Variants in METTL9 observed in about 807,000 individuals in gnomAD.
METTL9 encodes methyltransferase 9, His-X-His N1(pi)-histidine, also known as protein-L-histidine N-pros-methyltransferase.
In METTL9, 10 loss-of-function variants were observed where a neutral mutation model predicts 36.0. The observed-to-expected ratio is 0.28, with a 90% CI of 0.17 to 0.47. METTL9 has a LOEUF of 0.47. Among genes scored for constraint, METTL9 ranks in the 20% least tolerant of loss-of-function variants. The pLI is 0.99. For missense variants in METTL9, 246 were observed against 383.5 expected (o/e 0.64, Z 3.00); for synonymous variants, 175 against 149.7 (o/e 1.17, Z -1.23).
intron 4 of METTL9, chr16:21,642,943 C>G: frequency 1.7e-6 from 1 of 584,966 alleles, no homozygotes; most frequent in East Asian, 2.7e-5. Flanking sequence ...TATAAAAATA[C>G]ATTCTTGTGA....
chr16:21,607,974 C>A (rs1965333079), intron 1 of METTL9, among the ~76,000 whole-genome samples: 1 of 152,148 alleles, frequency 6.6e-6, no homozygotes, highest in South Asian at 2.1e-4. Flanking sequence ...CATGGTGAAA[C>A]CCCATCTCTA....
chr16:21,609,448 A>G (rs1567326778), intron 1 of METTL9, among the ~76,000 whole-genome samples: 1 of 152,194 alleles, frequency 6.6e-6, no homozygotes, highest in South Asian at 2.1e-4. Flanking sequence ...AAATATTACC[A>G]AAGGGACAAA....
chr16:21,633,362 A>G (rs1159650344), intron 4 of METTL9, among the ~76,000 whole-genome samples: 1 of 152,200 alleles, frequency 6.6e-6, no homozygotes, highest in Non-Finnish European at 1.5e-5. Context: ...GCCAAAAGTA[A>G]ATCATCCAAA....
chr16:21,610,855 T>C (rs1965408835), intron 1 of METTL9, among the ~76,000 whole-genome samples: 1 of 152,210 alleles, frequency 6.6e-6, no homozygotes, highest in South Asian at 2.1e-4. Flanking sequence ...GGCTTTCATC[T>C]TGATTAGCCA....
At chr16:21,611,374 A>G (rs867254053) in intron 1 of METTL9, among the ~76,000 whole-genome samples, 2 of 152,320 alleles carry the variant, frequency 1.3e-5, no homozygotes, top group Middle Eastern at 3.4e-3. Context: ...TGGTCTACCA[A>G]TTGTGCAAGC....
At chr16:21,639,136 G>A (rs867219403) in intron 4 of METTL9, among the ~76,000 whole-genome samples, 24 of 152,230 alleles carry the variant, frequency 1.6e-4, no homozygotes, top group Middle Eastern at 3.4e-3. Flanking sequence ...TATACTTTTG[G>A]TGAGATAGAT....
Position 21,612,725 on chromosome 16 carries a change from G to A in METTL9, c.246G>A (p.Gln82=), listed in dbSNP as rs775139586. The change falls in exon 2 of 5, where the codon CAG becomes CAA. Residue 82 remains glutamine, a synonymous_variant. Transcript: ENST00000358154. The part of the protein sequence containing the change: ...FVQSYLDQGT[Q]IFLNNSIEKS... The stretch of plus-strand genomic sequence containing the variant: ...AGAGTTACCTTGATCAAGGAACACA[G>A]ATCTTCTTAAACAACAGCATTGAGA... The A allele has an allele frequency of 6.2e-7, 1 of 1,611,300 alleles. No homozygotes were observed. Among genetic ancestry groups the A allele is most frequent in the South Asian group, 1.1e-5 (1 of 90,878 alleles).
At chr16:21,602,895 G>A (rs1965174067) in intron 1 of METTL9, among the ~76,000 whole-genome samples, 1 of 152,152 alleles carries the variant, frequency 6.6e-6, no homozygotes, top group Admixed American at 6.6e-5. Flanking sequence ...CTGACCTCAA[G>A]TGATCCTTCT....
At chr16:21,600,614 G>A (rs1254432109) in intron 1 of METTL9, among the ~76,000 whole-genome samples, 1 of 152,156 alleles carries the variant, frequency 6.6e-6, no homozygotes, top group African/African-American at 2.4e-5. Context: ...AAAACAGAAC[G>A]GGACGGGAGG....
intron 3 of METTL9, among the ~76,000 whole-genome samples, chr16:21,622,367 C>G (rs12446762): frequency 0.059 from 8,952 of 151,548 alleles, 539 homozygotes; most frequent in East Asian, 0.29. Flanking sequence ...CAGCTGGTCT[C>G]AAACTCCTAG....
chr16:21,614,500 C>A (rs920056888), intron 2 of METTL9, among the ~76,000 whole-genome samples: 4 of 152,160 alleles, frequency 2.6e-5, no homozygotes, highest in Admixed American at 6.5e-5. Flanking sequence ...GCTTCCCTTA[C>A]TTAAAACTCT....
chr16:21,607,390 A>C (rs1294327824), intron 1 of METTL9, among the ~76,000 whole-genome samples: 1 of 152,212 alleles, frequency 6.6e-6, no homozygotes, highest in Non-Finnish European at 1.5e-5. Context: ...TTTTTAAGAC[A>C]GTATGACCTA....
At chr16:21,609,932 C>T (rs1965387221) in intron 1 of METTL9, among the ~76,000 whole-genome samples, 2 of 152,108 alleles carry the variant, frequency 1.3e-5, no homozygotes, top group Admixed American at 1.3e-4. Flanking sequence ...GAAGATCTAA[C>T]TGCCACCTGC....
At position 21,655,959 on chromosome 16, in the gene METTL9, A is replaced by G. The variant is rs146359862; in HGVS notation, c.*527A>G. The G allele has an allele frequency of 6.5e-6, 1 of 153,344 alleles. No individual in the cohort carries two copies. Among genetic ancestry groups the G allele is most frequent in the African/African-American group, 2.4e-5 (1 of 41,550 alleles). 9.5% of individuals were successfully genotyped at this position (153,344 alleles called of 1,614,324 possible). ...TGACTTTGGCATCATGTTTGAATTC[A>G]TATAAAGCTCCCCTAGCATTTTTTA... On this transcript the variant is annotated 3_prime_UTR_variant, in exon 5 of 5. Transcript: ENST00000358154.
At chr16:21,604,343 A>G (rs1357399870) in intron 1 of METTL9, among the ~76,000 whole-genome samples, 2 of 152,306 alleles carry the variant, frequency 1.3e-5, no homozygotes, top group African/African-American at 2.4e-5. Flanking sequence ...AAGGTGCCCT[A>G]GAAGACCCTA....
chr16:21,649,087 T>A (rs894986528), intron 4 of METTL9, among the ~76,000 whole-genome samples: 3 of 152,020 alleles, frequency 2.0e-5, no homozygotes, highest in Admixed American at 1.3e-4. Flanking sequence ...ACCTCCCAGG[T>A]TCAAGCCATC....
intron 4 of METTL9, among the ~76,000 whole-genome samples, chr16:21,628,035 A>T (rs1303553024): frequency 6.6e-6 from 1 of 152,204 alleles, no homozygotes; most frequent in African/African-American, 2.4e-5. Flanking sequence ...TCTTTAAAAG[A>T]TAGTCTATGT....
In METTL9 at chr16:21,624,961, G is replaced by T; in HGVS notation, c.597G>T (p.Thr199=). The change falls in exon 4 of 5, where the codon ACG becomes ACT. Residue 199 remains threonine (T), a synonymous_variant. Transcript: ENST00000358154. Reference sequence around the variant, plus strand: ...TTGGTATAAATGAATGGCAGAATACGGGGTTCCAGTATGATGTCATCAGCT... The same window carrying T: ...TTGGTATAAATGAATGGCAGAATACTGGGTTCCAGTATGATGTCATCAGCT... ...RVLGINEWQN[T]GFQYDVISCL... The T allele has an allele frequency of 1.2e-6, 2 of 1,613,992 alleles. No homozygotes were observed. Among genetic ancestry groups the T allele is most frequent in the Non-Finnish European group, 1.7e-6 (2 of 1,179,954 alleles).
At chr16:21,606,338 AAAT>A (rs141626965) in intron 1 of METTL9, among the ~76,000 whole-genome samples, 4 of 151,664 alleles carry the variant, frequency 2.6e-5, no homozygotes, top group South Asian at 2.1e-4. Flanking sequence ...CTCCGTCTCA[AAAT>A]AATAATAATA....
Sources: gnomAD v4.1 joint callset for allele counts (sites outside exome capture counted in the v4.1 genomes callset) on GRCh38, gnomAD v4.1.1 for gene constraint, MANE v1.5 for transcripts, NCBI Gene and HGNC (gene_info 2026-07-23, HGNC 2026-07-21) for gene names.